USP32: variants seen among roughly 807,000 people sequenced by gnomAD.
USP32 encodes the protein ubiquitin specific peptidase 32.
In USP32, 59 loss-of-function variants were observed where a neutral mutation model predicts 204.8. That is an observed-to-expected ratio of 0.29 (90% CI 0.23 to 0.36). The LOEUF (loss-of-function observed/expected upper bound fraction) is 0.36. Among genes scored for constraint, USP32 ranks in the 10% least tolerant of loss-of-function variants. The probability of loss-of-function intolerance (pLI) is 1.00; values close to 1 mark genes in which losing one functional copy is unlikely to be tolerated. For missense variants in USP32, 1,160 were observed against 1,946.4 expected (o/e 0.60, Z 7.60); for synonymous variants, 517 against 678.4 (o/e 0.76, Z 3.70).
rs1335819810 is a variant in USP32, at chr17:60,363,874, AAGGG to A, written c.59-18270_59-18267del. ...TTTGTTTTTGGGAGAAGGAAGGAGGAAGGGAGGGAGAAAGAAGGAAGTGTTGGGG... is the reference window on the plus strand; with the variant it reads ...TTTGTTTTTGGGAGAAGGAAGGAGGAAGGGAGAAAGAAGGAAGTGTTGGGG... On this transcript the variant is annotated intron_variant, in intron 1 of 33. Coordinates refer to ENST00000300896, the MANE Select transcript of USP32 (RefSeq NM_032582.4). Among the ~76,000 whole-genome samples, 7 of 151,928 alleles carry A rather than the reference AAGGG, an allele frequency of 4.6e-5. No individual in the cohort carries two copies. In the East Asian group the frequency reaches 1.4e-3, roughly 30 times the overall value.
chr17:60,381,496 T>A (rs974928662), intron 1 of USP32, among the ~76,000 whole-genome samples: 5 of 151,816 alleles, frequency 3.3e-5, no homozygotes, highest in African/African-American at 4.8e-5. Context: ...CTCCTACTCC[T>A]CCAATTCATT....
At chr17:60,274,456 A>T (rs2086796312) in intron 5 of USP32, among the ~76,000 whole-genome samples, 1 of 152,214 alleles carries the variant, frequency 6.6e-6, no homozygotes, top group South Asian at 2.1e-4. Context: ...ACCTTGTGTT[A>T]GAAAACTCAA....
rs2087028646 is a variant in USP32, at chr17:60,283,616, G to A, written c.571+4907C>T. ...TCAAAGGTTAGTCAAGTTAGACACT[G>A]GAATTAAAAATACTATCAACCAGGA... On this transcript the variant is annotated intron_variant, in intron 5 of 33. Coordinates refer to ENST00000300896, the MANE Select transcript of USP32 (RefSeq NM_032582.4). Among the ~76,000 whole-genome samples the A allele has an allele frequency of 2.0e-5, 3 of 150,952 alleles. No homozygotes were observed. The South Asian group carries it at 6.3e-4, about 32-fold the overall frequency.
At chr17:60,337,381 T>G (rs1598261562) in intron 2 of USP32, among the ~76,000 whole-genome samples, 1 of 152,226 alleles carries the variant, frequency 6.6e-6, no homozygotes, top group East Asian at 1.9e-4. Flanking sequence ...GTTCAAAGCT[T>G]GCAAAGTTAG....
chr17:60,349,617 A>AT (rs1567867277), intron 1 of USP32, among the ~76,000 whole-genome samples: 10 of 72,962 alleles, frequency 1.4e-4, no homozygotes, highest in African/African-American at 1.2e-3. Context: ...ATATATATAT[A>AT]TATATATTAT....
chr17:60,222,416 G>A lies in USP32; in HGVS notation c.1742C>T (p.Pro581Leu). The A allele has an allele frequency of 2.5e-6, 4 of 1,613,928 alleles. No homozygotes were observed. Among genetic ancestry groups the A allele is most frequent in the Non-Finnish European group, 2.5e-6 (3 of 1,179,908 alleles). ...YHWYGANLAL[P>L]RPVIKNSKTD... Reference sequence around the variant, plus strand: ...ACTATTAACTATACTTACTGGTCTAGGTAAGGCCAGGTTTGCTCCATACCA... The same window carrying A: ...ACTATTAACTATACTTACTGGTCTAAGTAAGGCCAGGTTTGCTCCATACCA... Residue 581 changes from proline (P) to leucine (L), a missense_variant, in exon 15 of 34, where the codon CCT becomes CTT. Physicochemically the swap from Pro to Leu is moderately conservative, Grantham distance 98. Transcript: ENST00000300896.
In USP32 at chr17:60,236,214, T is replaced by C. The variant is rs780551686; in HGVS notation, c.1163A>G (p.Tyr388Cys). 32 of 1,613,956 alleles carry C rather than the reference T, an allele frequency of 2.0e-5. No homozygotes were observed. Among genetic ancestry groups the C allele is most frequent in the Non-Finnish European group, 2.6e-5 (31 of 1,179,872 alleles). ...IRGWLERESRYGLQAGHNWFI... is the reference protein window; with the variant it reads ...IRGWLERESRCGLQAGHNWFI... ...CCAGTTGTGTCCTGCTTGCAGACCATACCTGCTCTCTCGTTCTAACCATCC... is the reference window on the plus strand; with the variant it reads ...CCAGTTGTGTCCTGCTTGCAGACCACACCTGCTCTCTCGTTCTAACCATCC... The change falls in exon 12 of 34, where the codon TAT becomes TGT. Residue 388 changes from tyrosine (Y) to cysteine (C), a missense_variant. This residue lies in a region of USP32 where 536 missense variants were observed against 680.9 expected (regional missense o/e 0.79). Transcript: ENST00000300896.
At chr17:60,234,042 C>T (rs1485331713) in intron 12 of USP32, among the ~76,000 whole-genome samples, 1 of 151,986 alleles carries the variant, frequency 6.6e-6, no homozygotes, top group Non-Finnish European at 1.5e-5. Context: ...CTTGACCTAT[C>T]AGGCTCAAGC....
chr17:60,325,763 C>G (rs2088218101), intron 2 of USP32, among the ~76,000 whole-genome samples: 1 of 151,480 alleles, frequency 6.6e-6, no homozygotes, highest in South Asian at 2.1e-4. Flanking sequence ...CCTGTCTCTA[C>G]AAAAAAATAC....
chr17:60,346,806 A>T (rs1378357898), intron 1 of USP32, among the ~76,000 whole-genome samples: 1 of 152,246 alleles, frequency 6.6e-6, no homozygotes, highest in African/African-American at 2.4e-5. Flanking sequence ...AAAATGAACA[A>T]GGATATGCTG....
At chr17:60,221,385 A>C (rs1367659264) in intron 15 of USP32, among the ~76,000 whole-genome samples, 1 of 152,164 alleles carries the variant, frequency 6.6e-6, no homozygotes, top group Non-Finnish European at 1.5e-5. Context: ...AAATTACATT[A>C]GTCTGTTTTA....
At chr17:60,187,569 A>T (rs2084281375) in intron 29 of USP32, among the ~76,000 whole-genome samples, 1 of 152,236 alleles carries the variant, frequency 6.6e-6, no homozygotes, top group Non-Finnish European at 1.5e-5. Context: ...TATCTCTATT[A>T]TCTCTACCAG....
At chr17:60,221,755 C>T (rs980136852) in intron 15 of USP32, among the ~76,000 whole-genome samples, 12 of 151,986 alleles carry the variant, frequency 7.9e-5, no homozygotes, top group African/African-American at 2.4e-4. Flanking sequence ...CTGCCTGCCT[C>T]GGCCTTCCAA....
At chr17:60,290,796 A>G (rs2087252732) in intron 4 of USP32, among the ~76,000 whole-genome samples, 1 of 151,500 alleles carries the variant, frequency 6.6e-6, no homozygotes, top group Non-Finnish European at 1.5e-5. Flanking sequence ...ACCTCTAGGG[A>G]GGGAGGGGAG....
upstream of USP32, among the ~76,000 whole-genome samples, chr17:60,396,170 C>T (rs1244876776): frequency 1.3e-5 from 2 of 148,886 alleles, no homozygotes; most frequent in African/African-American, 2.5e-5. Flanking sequence ...CTTTACCTGC[C>T]GGACTCAAGC....
At chr17:60,225,507 A>G (rs1307621922) in intron 13 of USP32, among the ~76,000 whole-genome samples, 2 of 152,324 alleles carry the variant, frequency 1.3e-5, no homozygotes, top group East Asian at 3.9e-4. Context: ...ATGAAGTATA[A>G]TATGGAAAAG....
At chr17:60,345,695 A>G in intron 1 of USP32, 87 bp from the exon 2 acceptor site, 2 of 1,579,448 alleles carry the variant, frequency 1.3e-6, no homozygotes, top group Non-Finnish European at 1.7e-6. Flanking sequence ...CCTAAGAAAA[A>G]TTGAGGCTAG....
intron 3 of USP32, 87 bp downstream of exon 3, chr17:60,301,512 A>G (rs1452643389): frequency 3.4e-5 from 27 of 791,220 alleles, no homozygotes; most frequent in South Asian, 3.1e-4. Context: ...GAAAATGTCA[A>G]TTCAAATCCT....
intron 26 of USP32, among the ~76,000 whole-genome samples, chr17:60,203,631 C>CAATG (rs1425960413): frequency 3.9e-5 from 6 of 151,944 alleles, no homozygotes; most frequent in African/African-American, 1.4e-4. Flanking sequence ...GGCTGGAGTG[C>CAATG]AATGGCACGA....
Sources: allele counts gnomAD v4.1 joint callset (sites outside exome capture counted in the v4.1 genomes callset), GRCh38; gene constraint gnomAD v4.1.1; regional missense constraint gnomAD v4.1.1; transcripts MANE v1.5; gene names NCBI Gene and HGNC (gene_info 2026-07-23, HGNC 2026-07-21).